NUTF2: variants seen among roughly 807,000 people sequenced by gnomAD.
NUTF2 encodes the protein placental protein 15.
NUTF2 carries 3 observed loss-of-function variants against 18.5 expected under a neutral mutation model. That is an observed-to-expected ratio of 0.16 (90% confidence interval 0.07 to 0.42). The LOEUF (loss-of-function observed/expected upper bound fraction) is 0.42. NUTF2 is among the 10% of genes least tolerant of loss of function. NUTF2 has a pLI of 0.99. For missense variants in NUTF2, 44 were observed against 160.7 expected, an observed-to-expected ratio of 0.27 and a Z score of 3.93; for synonymous variants, 51 against 57.9, an observed-to-expected ratio of 0.88 and a Z score of 0.54.
At chr16:67,861,678 C>T (rs2057936193) in intron 1 of NUTF2, among the ~76,000 whole-genome samples, 1 of 152,162 alleles carries the variant, frequency 6.6e-6, no homozygotes, top group Non-Finnish European at 1.5e-5. Flanking sequence ...ATGGTGTGGT[C>T]AGCGGCCCTC....
intron 1 of NUTF2, among the ~76,000 whole-genome samples, chr16:67,850,015 C>T (rs2057841084): frequency 6.6e-6 from 1 of 151,966 alleles, no homozygotes; most frequent in Admixed American, 6.6e-5. Flanking sequence ...TGGTCTCAAA[C>T]TCCTGAGTTC....
intron 1 of NUTF2, chr16:67,855,894 G>T (rs889623462): frequency 1.4e-4 from 65 of 449,570 alleles, no homozygotes; most frequent in Admixed American, 5.4e-4. Context: ...TGGCGGGGGG[G>T]GGGGATGGGG....
chr16:67,851,912 A>T (rs1371437212), intron 1 of NUTF2, among the ~76,000 whole-genome samples: 4 of 152,082 alleles, frequency 2.6e-5, no homozygotes, highest in Non-Finnish European at 5.9e-5. Flanking sequence ...GCTACTCAGG[A>T]GGCTGAGGCA....
intron 1 of NUTF2, among the ~76,000 whole-genome samples, chr16:67,862,278 A>G (rs2057940019): frequency 6.6e-6 from 1 of 152,128 alleles, no homozygotes; most frequent in African/African-American, 2.4e-5. Context: ...CAGCGACATC[A>G]CTGGATGACA....
rs1181316839 is a variant in NUTF2, at chr16:67,871,659, C to A, written c.*746C>A. On this transcript the variant is annotated 3_prime_UTR_variant, in exon 5 of 5. Coordinates refer to ENST00000219169, the MANE Select transcript of NUTF2 (RefSeq NM_005796.3). ...GTAGCAGGAGAGATGATCCTGAATC[C>A]TGTTGAAGCTGGAGAGGCCTTGGCA... The A allele has an allele frequency of 6.6e-6, 1 of 152,276 alleles. No individual in the cohort carries two copies. The highest frequency in any genetic ancestry group is 6.5e-5 in the Admixed American group (1 of 15,280). 9.4% of individuals were successfully genotyped at this position (152,276 alleles called of 1,614,324 possible).
At chr16:67,855,259 G>A (rs2057887463) in intron 1 of NUTF2, among the ~76,000 whole-genome samples, 1 of 152,166 alleles carries the variant, frequency 6.6e-6, no homozygotes, top group African/African-American at 2.4e-5. Context: ...CAGCTGGAGT[G>A]TGCCCTCCTG....
chr16:67,857,666 A>G lies in NUTF2; in HGVS notation c.-29-7436A>G, dbSNP rs146507796. Among the ~76,000 whole-genome samples, 818 of 152,346 alleles carry G rather than the reference A, an allele frequency of 5.4e-3. 7 individuals carry two copies. The highest frequency in any genetic ancestry group is 0.019 in the African/African-American group (793 of 41,580). On this transcript the variant is annotated intron_variant, in intron 1 of 4. Transcript: ENST00000219169. ...AATTACTAATGATGGGACAGAGTCA[A>G]AGGGTCAAATAACAAGGGAGAAGTG...
At chr16:67,869,118 C>T (rs1290610473) in intron 4 of NUTF2, among the ~76,000 whole-genome samples, 1 of 148,090 alleles carries the variant, frequency 6.8e-6, no homozygotes, top group Admixed American at 6.7e-5. Flanking sequence ...GAGTCTCACT[C>T]TTGTTGCTTA....
intron 1 of NUTF2, 126 bp from the exon 2 acceptor site, chr16:67,864,976 C>T (rs2057960666): frequency 1.9e-5 from 11 of 589,708 alleles, no homozygotes; most frequent in Admixed American, 2.9e-5. Context: ...AGGGCCTGTC[C>T]GTGTTCTCTG....
intron 1 of NUTF2, among the ~76,000 whole-genome samples, chr16:67,852,693 T>G (rs1427609927): frequency 6.6e-6 from 1 of 151,778 alleles, no homozygotes; most frequent in Non-Finnish European, 1.5e-5. Flanking sequence ...TTTTTTTATT[T>G]TTTGAGACAG....
chr16:67,851,758 G>A (rs1467631076), intron 1 of NUTF2, among the ~76,000 whole-genome samples: 3 of 152,216 alleles, frequency 2.0e-5, no homozygotes, highest in East Asian at 1.9e-4. Flanking sequence ...GCTCACGCCT[G>A]TAATCCCAGC....
At chr16:67,853,413 A>C (rs970879836) in intron 1 of NUTF2, among the ~76,000 whole-genome samples, 6 of 152,170 alleles carry the variant, frequency 3.9e-5, no homozygotes, top group African/African-American at 1.4e-4. Context: ...GCTGGAGTGC[A>C]GTGGCACGAT....
intron 1 of NUTF2, among the ~76,000 whole-genome samples, chr16:67,859,022 A>C (rs1338615499): frequency 3.3e-5 from 5 of 150,762 alleles, no homozygotes; most frequent in Admixed American, 6.6e-5. Flanking sequence ...TCCTGTAGAC[A>C]TGAGGTCTCA....
intron 4 of NUTF2, among the ~76,000 whole-genome samples, chr16:67,869,099 T>C (rs1345265108): frequency 6.6e-6 from 1 of 151,714 alleles, no homozygotes; most frequent in East Asian, 1.9e-4. Flanking sequence ...TTTTTTTTTT[T>C]TTGAGACGGA....
chr16:67,863,800 CA>C (rs2057950398), intron 1 of NUTF2, among the ~76,000 whole-genome samples: 1 of 152,190 alleles, frequency 6.6e-6, no homozygotes, highest in Non-Finnish European at 1.5e-5. Context: ...GGTCTGCAGT[CA>C]GGGGATCTGC....
chr16:67,854,092 A>G (rs982739301), intron 1 of NUTF2, among the ~76,000 whole-genome samples: 5 of 152,240 alleles, frequency 3.3e-5, no homozygotes, highest in Admixed American at 3.3e-4. Context: ...CTGGGACTAC[A>G]GGCACGCGCC....
intron 1 of NUTF2, among the ~76,000 whole-genome samples, chr16:67,863,005 G>A (rs1382053709): frequency 3.9e-5 from 6 of 152,202 alleles, no homozygotes; most frequent in Non-Finnish European, 8.8e-5. Flanking sequence ...CTTGGAAGCT[G>A]CAGCAGGGTC....
intron 1 of NUTF2, among the ~76,000 whole-genome samples, chr16:67,851,227 A>G (rs2057854997): frequency 6.6e-6 from 1 of 152,116 alleles, no homozygotes. Context: ...TCATGCCTGT[A>G]ATCCCAGCAC....
chr16:67,864,309 G>A (rs1241361367), intron 1 of NUTF2, among the ~76,000 whole-genome samples: 1 of 152,108 alleles, frequency 6.6e-6, no homozygotes, highest in African/African-American at 2.4e-5. Flanking sequence ...TCTGGAGTTC[G>A]AGACCAGCCT....
Sources: gnomAD v4.1 joint callset for allele counts (sites outside exome capture counted in the v4.1 genomes callset) on GRCh38, gnomAD v4.1.1 for gene constraint, MANE v1.5 for transcripts, NCBI Gene and HGNC (gene_info 2026-07-23, HGNC 2026-07-21) for gene names.